DNAH9: variants seen among roughly 807,000 people sequenced by gnomAD.
DNAH9 encodes the protein dynein axonemal heavy chain 9.
DNAH9 carries 345 observed loss-of-function variants against 471.6 expected under a neutral mutation model. That is an observed-to-expected ratio of 0.73 (90% CI 0.67 to 0.80). The LOEUF is 0.80. DNAH9 is among the 30% of genes least tolerant of loss of function. The pLI, the probability that DNAH9 is intolerant of heterozygous loss-of-function variation, is 0.00. For missense variants in DNAH9, 5,407 were observed against 5,609.2 expected (o/e 0.96, Z 1.15); for synonymous variants, 2,093 against 2,123.6 (o/e 0.99, Z 0.40).
chr17:11,939,958 G>T (rs1454517123), intron 66 of DNAH9, among the ~76,000 whole-genome samples: 3 of 152,058 alleles, frequency 2.0e-5, no homozygotes, highest in Non-Finnish European at 4.4e-5. Context: ...GATGATAGAG[G>T]AATAGAGTTA....
At chr17:11,629,612 G>A in intron 7 of DNAH9, 28 bp downstream of exon 7, 1 of 1,603,900 alleles carries the variant, frequency 6.2e-7, no homozygotes, top group Non-Finnish European at 8.5e-7. Flanking sequence ...TGAATCGCCA[G>A]CTCTGCCTCT....
At chr17:11,806,057 G>T (rs548625069) in intron 43 of DNAH9, among the ~76,000 whole-genome samples, 17 of 152,158 alleles carry the variant, frequency 1.1e-4, no homozygotes, top group Admixed American at 8.5e-4. Flanking sequence ...ACACTCTTTT[G>T]GTCCCCAAAT....
At chr17:11,895,177 T>G (rs532388892) in intron 59 of DNAH9, among the ~76,000 whole-genome samples, 1 of 152,252 alleles carries the variant, frequency 6.6e-6, no homozygotes, top group African/African-American at 2.4e-5. Flanking sequence ...GTTGAAAAGA[T>G]CACAAACTAT....
At chr17:11,683,620 T>C (rs2074178497) in intron 19 of DNAH9, among the ~76,000 whole-genome samples, 1 of 152,216 alleles carries the variant, frequency 6.6e-6, no homozygotes, top group Admixed American at 6.5e-5. Flanking sequence ...TCCTCCTTCA[T>C]GGGTATATTT....
At chr17:11,646,004 C>G (rs955589437) in intron 11 of DNAH9, among the ~76,000 whole-genome samples, 2 of 151,650 alleles carry the variant, frequency 1.3e-5, no homozygotes, top group Non-Finnish European at 2.9e-5. Context: ...CTCAGCCACC[C>G]GAGTAGCTGG....
chr17:11,963,030 C>A (rs1976362017), intron 68 of DNAH9, among the ~76,000 whole-genome samples: 1 of 152,096 alleles, frequency 6.6e-6, no homozygotes, highest in Non-Finnish European at 1.5e-5. Flanking sequence ...CATGTCTAGG[C>A]ATAACCCCAG....
At chr17:11,744,710 C>T in intron 30 of DNAH9, 87 bp from the exon 31 acceptor site, 1 of 1,166,732 alleles carries the variant, frequency 8.6e-7, no homozygotes, top group Admixed American at 2.1e-5. Flanking sequence ...TGACCTAATG[C>T]TCATAGCATA....
chr17:11,598,516 G>T lies in DNAH9; in HGVS notation c.18G>T (p.Glu6Asp). Reference protein sequence around the residue: MRLAEERAALAAENAD... With the variant: MRLAEDRAALAAENAD... ...CGCGCGCGATGCGGCTCGCGGAGGAGCGGGCCGCGCTCGCGGCGGAGAACG... is the reference window on the plus strand; with the variant it reads ...CGCGCGCGATGCGGCTCGCGGAGGATCGGGCCGCGCTCGCGGCGGAGAACG... The change falls in exon 1 of 69, where the codon GAG becomes GAT. Residue 6 changes from glutamate (E) to aspartate (D), a missense_variant. Physicochemically the swap from Glu to Asp is conservative, Grantham distance 45. This residue lies in a region of DNAH9 where 767 missense variants were observed against 692.5 expected (regional missense o/e 1.11). Transcript: ENST00000262442. The T allele has an allele frequency of 7.2e-7, 1 of 1,387,052 alleles. No homozygotes were observed. Among genetic ancestry groups the T allele is most frequent in the Non-Finnish European group, 9.3e-7 (1 of 1,080,338 alleles). 85.9% of individuals were successfully genotyped at this position (1,387,052 alleles called of 1,614,324 possible).
At chr17:11,615,490 C>T (rs2072722216) in intron 4 of DNAH9, among the ~76,000 whole-genome samples, 1 of 151,866 alleles carries the variant, frequency 6.6e-6, no homozygotes, top group African/African-American at 2.4e-5. Flanking sequence ...GAGGCTGAGG[C>T]AGGAGAATAG....
Position 11,933,956 on chromosome 17 carries a change from G to A in DNAH9, c.12374G>A (p.Arg4125Lys). Residue 4125 changes from arginine (R) to lysine (K), a missense_variant, in exon 65 of 69, where the codon AGA becomes AAA. Physicochemically the swap from Arg to Lys is conservative, Grantham distance 26 (BLOSUM62 2). Coordinates refer to ENST00000262442, the MANE Select transcript of DNAH9 (RefSeq NM_001372.4). ...CATATCACAGATGACTGGGACAGAA[G>A]ACTCTGCAGAACCTACCTGGGGGAA... ...GGHITDDWDRRLCRTYLGEFI... is the reference protein window; with the variant it reads ...GGHITDDWDRKLCRTYLGEFI... 6.2e-7 allele frequency: 1 copy of A among 1,614,188 alleles called. No homozygotes were observed. The highest frequency in any genetic ancestry group is 8.5e-7 in the Non-Finnish European group (1 of 1,180,032).
Position 11,680,812 on chromosome 17 carries a change from C to T in DNAH9, c.3666C>T (p.Leu1222=), listed in dbSNP as rs2074120738. ...CACTGCAGGCAAATGAAGTGACACT[C>T]CTCCGCCAGAGGTGCACAGCCTTCG... ...VAPLQANEVT[L]LRQRCTAFDA... is the part of the protein sequence containing the mutation. Residue 1222 remains leucine (L), a synonymous_variant, in exon 19 of 69, where the codon CTC becomes CTT. Transcript: ENST00000262442. 3.1e-6 allele frequency: 5 copies of T among 1,613,964 alleles called. No individual in the cohort carries two copies. The East Asian group carries it at 1.1e-4, about 36-fold the overall frequency.
chr17:11,724,953 G>C (rs760707831), intron 27 of DNAH9, among the ~76,000 whole-genome samples: 1 of 152,166 alleles, frequency 6.6e-6, no homozygotes, highest in Non-Finnish European at 1.5e-5. Context: ...GGTGATGGGA[G>C]ACAGTGACAG....
chr17:11,679,469 C>A (rs973198914), intron 17 of DNAH9, among the ~76,000 whole-genome samples: 1 of 152,214 alleles, frequency 6.6e-6, no homozygotes, highest in East Asian at 1.9e-4. Context: ...AAATGACCTC[C>A]ATTCTTGATT....
At chr17:11,923,012 G>A (rs991902321) in intron 61 of DNAH9, among the ~76,000 whole-genome samples, 8 of 152,044 alleles carry the variant, frequency 5.3e-5, no homozygotes, top group Non-Finnish European at 1.2e-4. Context: ...ATTAAGTGAA[G>A]AGGGAAGAGT....
At chr17:11,775,622 T>TTTTTA (rs1968392002) in intron 38 of DNAH9, among the ~76,000 whole-genome samples, 1 of 134,894 alleles carries the variant, frequency 7.4e-6, no homozygotes, top group African/African-American at 2.9e-5. Context: ...TTTTTTTTTT[T>TTTTTA]GAGACAGAGT....
chr17:11,654,355 C>CAAAAAAAAAAAAAAAAAAAAAA (rs527835262), intron 14 of DNAH9, among the ~76,000 whole-genome samples: 3 of 11,260 alleles, frequency 2.7e-4, no homozygotes, highest in South Asian at 1.6e-3. Context: ...GACTCCGTCT[C>CAAAAAAAAAAAAAAAAAAAAAA]AAAAAAAAAA....
At chr17:11,670,014 T>C (rs1387099861) in intron 17 of DNAH9, among the ~76,000 whole-genome samples, 2 of 152,198 alleles carry the variant, frequency 1.3e-5, no homozygotes, top group South Asian at 4.1e-4. Flanking sequence ...CTGTTTCATG[T>C]CCAGTGTGTG....
rs564606118 is a variant in DNAH9 at position 11,796,362 on chromosome 17, T to C, written c.8224-1235T>C. On this transcript the variant is annotated intron_variant, in intron 42 of 68. Transcript: ENST00000262442. ...AAATGTCTGAGCATTTTTGTTATTG[T>C]CTGGCAAAGCCAGAATAGTTTAAAA... Among the ~76,000 whole-genome samples, 15 of 152,384 alleles carry C rather than the reference T, an allele frequency of 9.8e-5. No homozygotes were observed. In the South Asian group the frequency reaches 2.9e-3, roughly 29 times the overall value.
chr17:11,873,996 G>A (rs913592383), intron 52 of DNAH9, among the ~76,000 whole-genome samples: 1 of 152,138 alleles, frequency 6.6e-6, no homozygotes, highest in Non-Finnish European at 1.5e-5. Context: ...TGTAATCCCA[G>A]TATTTTGGGA....
Sources: allele counts gnomAD v4.1 joint callset (sites outside exome capture counted in the v4.1 genomes callset), GRCh38; gene constraint gnomAD v4.1.1; regional missense constraint gnomAD v4.1.1; transcripts MANE v1.5; gene names NCBI Gene and HGNC (gene_info 2026-07-23, HGNC 2026-07-21).